The following DEFB131A variants were observed in gnomAD, a reference collection of about 807,000 sequenced individuals.
DEFB131A encodes beta-defensin 131A.
DEFB131A carries 5 observed loss-of-function variants against 2.4 expected under a neutral mutation model. The ratio of observed to expected loss-of-function variants is 2.12; its 90% CI spans 1.11 to 4.47. DEFB131A has a LOEUF of 4.47. Ranked by LOEUF, DEFB131A falls within the 30% of genes most tolerant of loss-of-function variation. The pLI is 0.00. For synonymous variants in DEFB131A, 34 were observed against 25.7 expected, an observed-to-expected ratio of 1.32 and a Z score of -0.97; for missense variants, 120 against 79.9, an observed-to-expected ratio of 1.50 and a Z score of -1.91.
chr4:9,446,825 C>A (rs1353777158), intron 1 of DEFB131A, among the ~76,000 whole-genome samples: 1 of 152,024 alleles, frequency 6.6e-6, no homozygotes, highest in African/African-American at 2.4e-5. Flanking sequence ...TTATTTTCTT[C>A]TTTGTTTTTT....
intron 1 of DEFB131A, among the ~76,000 whole-genome samples, chr4:9,445,679 GT>G (rs1457041090): frequency 6.6e-6 from 1 of 151,728 alleles, no homozygotes; most frequent in Non-Finnish European, 1.5e-5. Context: ...ATGTTAGTGG[GT>G]TTTTTATATT....
intron 1 of DEFB131A, among the ~76,000 whole-genome samples, chr4:9,447,351 T>TTTGTCTC (rs1161210612): frequency 6.6e-6 from 1 of 152,194 alleles, no homozygotes; most frequent in Non-Finnish European, 1.5e-5. Flanking sequence ...GATGACCTTC[T>TTTGTCTC]TTGTCTCTTT....
intron 1 of DEFB131A, among the ~76,000 whole-genome samples, chr4:9,449,824 C>A (rs1717607698): frequency 6.6e-6 from 1 of 152,138 alleles, no homozygotes; most frequent in African/African-American, 2.4e-5. Flanking sequence ...CTCCTTCTGA[C>A]CCTTCTCTCA....
chr4:9,449,301 C>T (rs1390900939), intron 1 of DEFB131A, among the ~76,000 whole-genome samples: 2 of 105,240 alleles, frequency 1.9e-5, no homozygotes, highest in South Asian at 6.4e-4. Flanking sequence ...TATCAAAATC[C>T]TAATGGCACT....
intron 1 of DEFB131A, among the ~76,000 whole-genome samples, chr4:9,445,271 C>T (rs912545709): frequency 2.0e-5 from 3 of 151,942 alleles, no homozygotes; most frequent in Admixed American, 6.6e-5. Context: ...ATAAATTCAC[C>T]ACTGATCCAG....
chr4:9,449,468 G>A (rs747995706), intron 1 of DEFB131A, among the ~76,000 whole-genome samples: 12 of 149,356 alleles, frequency 8.0e-5, no homozygotes, highest in South Asian at 2.1e-4. Flanking sequence ...TCAATACTTC[G>A]TACTGAGAAA....
chr4:9,446,352 A>C (rs1247498861), intron 1 of DEFB131A, among the ~76,000 whole-genome samples: 2 of 152,052 alleles, frequency 1.3e-5, no homozygotes, highest in Non-Finnish European at 2.9e-5. Context: ...TGTTGGTAAA[A>C]AAAAATTCTT....
intron 1 of DEFB131A, among the ~76,000 whole-genome samples, chr4:9,447,605 A>AT (rs1006266585): frequency 3.7e-4 from 56 of 151,474 alleles, no homozygotes; most frequent in Middle Eastern, 6.8e-3. Context: ...CTCTTATGGC[A>AT]TTTTTTCTGT....
intron 1 of DEFB131A, among the ~76,000 whole-genome samples, chr4:9,448,287 T>C (rs10938861): frequency 0.42 from 63,177 of 151,038 alleles, 16,796 homozygotes; most frequent in Non-Finnish European, 0.59. Context: ...GAGAGGAAAG[T>C]GAAATATTTA....
intron 1 of DEFB131A, 99 bp from the exon 2 acceptor site, chr4:9,450,261 A>C: frequency 7.9e-7 from 1 of 1,264,016 alleles, no homozygotes; most frequent in Non-Finnish European, 1.0e-6. Flanking sequence ...TTTCTGGGAA[A>C]GTTCTGTAAT....
At chr4:9,447,315 C>T (rs1476673276) in intron 1 of DEFB131A, among the ~76,000 whole-genome samples, 2 of 152,126 alleles carry the variant, frequency 1.3e-5, no homozygotes, top group Non-Finnish European at 2.9e-5. Flanking sequence ...TATCCTCTTG[C>T]TGAATTGGCC....
chr4:9,444,579 A>G lies in DEFB131A; in HGVS notation c.46A>G (p.Thr16Ala), dbSNP rs1436368173. The change falls in exon 1 of 2, where the codon ACA becomes GCA. Residue 16 changes from threonine to alanine, a missense_variant. By Grantham distance (58) the Thr-to-Ala change is moderately conservative (BLOSUM62 0). Coordinates refer to ENST00000334879, the MANE Select transcript of DEFB131A (RefSeq NM_001040448.3). ...FVFGVLSLMF[T>A]VPPARSFISN... is the part of the protein sequence containing the mutation. ...CTTTGGAGTCCTTTCCTTGATGTTC[A>G]CAGTTCCTCCAGGTAAGACAGAAAC... The G allele has an allele frequency of 5.6e-6, 9 of 1,603,202 alleles. No homozygotes were observed. The highest frequency in any genetic ancestry group is 1.4e-5 in the African/African-American group (1 of 73,618).
At chr4:9,446,337 A>G (rs1231454701) in intron 1 of DEFB131A, among the ~76,000 whole-genome samples, 1 of 151,980 alleles carries the variant, frequency 6.6e-6, no homozygotes, top group Non-Finnish European at 1.5e-5. Context: ...TAGATTGATT[A>G]TTGGTGTTGG....
intron 1 of DEFB131A, among the ~76,000 whole-genome samples, chr4:9,448,235 T>C (rs548128045): frequency 5.6e-4 from 84 of 150,292 alleles, no homozygotes; most frequent in African/African-American, 2.0e-3. Context: ...CAACCAAGGA[T>C]AAGAATTACA....
At chr4:9,449,198 G>T (rs1030893154) in intron 1 of DEFB131A, among the ~76,000 whole-genome samples, 2 of 150,326 alleles carry the variant, frequency 1.3e-5, no homozygotes, top group Non-Finnish European at 3.0e-5. Context: ...ACACAAATCA[G>T]TGGAAAGATA....
At chr4:9,450,128 T>G (rs1717617422) in intron 1 of DEFB131A, among the ~76,000 whole-genome samples, 1 of 152,178 alleles carries the variant, frequency 6.6e-6, no homozygotes, top group Non-Finnish European at 1.5e-5. Flanking sequence ...TAGTTCTCAT[T>G]TAAAATTCTG....
chr4:9,449,922 A>T (rs190656605), intron 1 of DEFB131A, among the ~76,000 whole-genome samples: 436 of 152,252 alleles, frequency 2.9e-3, no homozygotes, highest in African/African-American at 9.9e-3. Context: ...ATCTCTTCAT[A>T]TAGTTTTATA....
rs774097610 is a variant in DEFB131A at position 9,448,345 on chromosome 4, C to T, written c.59-2015C>T. Among the ~76,000 whole-genome samples, 52 of 152,168 alleles carry T rather than the reference C, an allele frequency of 3.4e-4. 1 individual carries two copies. The Middle Eastern group carries it at 0.027, about 80-fold the overall frequency. ...AAGAACACTATCTTAAAACTCTCTA[C>T]TTAGTAAAATTATCTCTTTTTTTTA... On this transcript the variant is annotated intron_variant, in intron 1 of 1. Transcript: ENST00000334879.
chr4:9,449,414 C>G (rs755604855), intron 1 of DEFB131A, among the ~76,000 whole-genome samples: 32 of 134,318 alleles, frequency 2.4e-4, no homozygotes, highest in South Asian at 7.8e-4. Flanking sequence ...CACTGGCCTT[C>G]AACAAACATG....
Sources: gnomAD v4.1 joint callset for allele counts (sites outside exome capture counted in the v4.1 genomes callset) on GRCh38, gnomAD v4.1.1 for gene constraint, MANE v1.5 for transcripts, NCBI Gene and HGNC (gene_info 2026-07-23, HGNC 2026-07-21) for gene names.